Variants in NFIB observed in about 807,000 individuals in gnomAD.
The protein encoded by NFIB is nuclear factor 1 B-type.
Under a neutral mutation model 61.5 loss-of-function variants are expected in NFIB, and 11 were observed. The observed-to-expected ratio is 0.18, with a 90% CI of 0.11 to 0.30. NFIB has a LOEUF of 0.30. NFIB is among the 10% of genes least tolerant of loss of function. NFIB has a pLI of 1.00. For synonymous variants in NFIB, 260 were observed against 216.5 expected, an observed-to-expected ratio of 1.20 and a Z score of -1.76; for missense variants, 471 against 608.9, an observed-to-expected ratio of 0.77 and a Z score of 2.38.
chr9:14,474,477 T>C, the NFIB span, among the ~76,000 whole-genome samples: 17 of 152,320 alleles, frequency 1.1e-4, 1 homozygote, highest in South Asian at 2.9e-3. Context: ...AAATATTCCA[T>C]CTATAGCATT....
chr9:14,190,394 G>C (rs368277378), intron 2 of NFIB, among the ~76,000 whole-genome samples: 1 of 152,106 alleles, frequency 6.6e-6, no homozygotes, highest in Admixed American at 6.6e-5. Flanking sequence ...TACTGCTTCT[G>C]TTCATAAAAT....
At chr9:14,519,891 T>A in the NFIB span, among the ~76,000 whole-genome samples, 1 of 152,228 alleles carries the variant, frequency 6.6e-6, no homozygotes, top group Admixed American at 6.5e-5. Flanking sequence ...ACCATAATGC[T>A]ATTCTTCCTC....
chr9:14,474,720 A>G, the NFIB span, among the ~76,000 whole-genome samples: 2 of 152,218 alleles, frequency 1.3e-5, no homozygotes, highest in South Asian at 2.1e-4. Context: ...CAGGCATAGG[A>G]TAGACATTCC....
the NFIB span, among the ~76,000 whole-genome samples, chr9:14,412,010 C>A: frequency 3.0e-4 from 45 of 152,228 alleles, no homozygotes; most frequent in African/African-American, 1.1e-3. Flanking sequence ...TCCTTCAGCC[C>A]CAGCCAAGCC....
At position 14,366,224 on chromosome 9, in the gene NFIB, G is replaced by T. The variant is rs534756578; in HGVS notation, c.108+32300C>A. Among the ~76,000 whole-genome samples, 5 of 152,232 alleles carry T rather than the reference G, an allele frequency of 3.3e-5. No individual in the cohort carries two copies. In the South Asian group the frequency reaches 1.0e-3, roughly 32 times the overall value. Reference sequence around the variant, plus strand: ...CAGAATTGAGATCCAGTTGCATTACGCATACCAGAAGACACACCACCACAG... The same window carrying T: ...CAGAATTGAGATCCAGTTGCATTACTCATACCAGAAGACACACCACCACAG... On this transcript the variant is annotated intron_variant, in intron 1 of 8. Transcript: ENST00000380934.
chr9:14,490,460 T>C, the NFIB span, among the ~76,000 whole-genome samples: 1 of 152,198 alleles, frequency 6.6e-6, no homozygotes, highest in Non-Finnish European at 1.5e-5. Context: ...AAAAGATTAA[T>C]ACATTTGATT....
chr9:14,090,720 A>G (rs2033769155), intron 10 of NFIB, among the ~76,000 whole-genome samples: 1 of 152,128 alleles, frequency 6.6e-6, no homozygotes, highest in Non-Finnish European at 1.5e-5. Flanking sequence ...AATGTCAACA[A>G]GCAGCAAATT....
chr9:14,493,364 A>ATT, the NFIB span, among the ~76,000 whole-genome samples: 3 of 149,362 alleles, frequency 2.0e-5, no homozygotes, highest in African/African-American at 7.4e-5. Flanking sequence ...AGGCAGAAGC[A>ATT]TTTTTTTTTT....
At chr9:14,469,522 G>A in the NFIB span, among the ~76,000 whole-genome samples, 81 of 152,258 alleles carry the variant, frequency 5.3e-4, 1 homozygote, top group South Asian at 0.016. Flanking sequence ...TGGAAATAAC[G>A]TAATCTTGTG....
At chr9:14,297,122 C>A (rs908867156) in intron 2 of NFIB, among the ~76,000 whole-genome samples, 8 of 152,116 alleles carry the variant, frequency 5.3e-5, no homozygotes, top group African/African-American at 1.9e-4. Flanking sequence ...AAAATTCTTT[C>A]GATGTAGGAA....
chr9:14,128,695 CAAAA>C (rs202216145), intron 6 of NFIB, among the ~76,000 whole-genome samples: 2 of 79,538 alleles, frequency 2.5e-5, no homozygotes, highest in African/African-American at 3.8e-5. Flanking sequence ...AACTCTGTCT[CAAAA>C]AAAAAAAAAA....
chr9:14,152,355 T>TA (rs139935215), intron 4 of NFIB, among the ~76,000 whole-genome samples: 9,941 of 152,062 alleles, frequency 0.065, 1,027 homozygotes, highest in African/African-American at 0.22. Context: ...CACCAAAGGT[T>TA]AAAAAAATGT....
Position 14,377,188 on chromosome 9 carries a change from T to C in NFIB, c.108+21336A>G, listed in dbSNP as rs939572321. ...CACAATGCAAATATATAAAAATTCT[T>C]TTGTTTCACCCAAATGAGCATGTAG... On this transcript the variant is annotated intron_variant, in intron 1 of 8. Transcript: ENST00000380934. 3.9e-5 allele frequency among the ~76,000 whole-genome samples: 6 copies of C among 152,312 alleles called. No homozygotes were observed. The East Asian group carries it at 1.2e-3, about 29-fold the overall frequency.
At chr9:14,094,047 C>G (rs781091625) in intron 10 of NFIB, among the ~76,000 whole-genome samples, 3 of 152,044 alleles carry the variant, frequency 2.0e-5, no homozygotes, top group Non-Finnish European at 2.9e-5. Flanking sequence ...CCTGATTTTA[C>G]AGATGAGGAA....
intron 1 of NFIB, among the ~76,000 whole-genome samples, chr9:14,336,028 T>A (rs1300352199): frequency 6.6e-6 from 1 of 152,250 alleles, no homozygotes; most frequent in Non-Finnish European, 1.5e-5. Context: ...CATTGATTTA[T>A]TTGTCTTTAT....
the NFIB span, among the ~76,000 whole-genome samples, chr9:14,471,598 T>C: frequency 6.6e-6 from 1 of 152,350 alleles, no homozygotes; most frequent in Non-Finnish European, 1.5e-5. Flanking sequence ...GGATGGTGGA[T>C]ACCTTAGCCA....
At chr9:14,146,275 C>T (rs922041444) in intron 6 of NFIB, among the ~76,000 whole-genome samples, 1 of 152,068 alleles carries the variant, frequency 6.6e-6, no homozygotes, top group Non-Finnish European at 1.5e-5. Flanking sequence ...ATTGCAGGTT[C>T]CTTTAAATGA....
chr9:14,204,155 CAT>C, intron 2 of NFIB: 1 of 465,398 alleles, frequency 2.1e-6, no homozygotes, highest in Non-Finnish European at 3.8e-6. Context: ...ATTAAAATAA[CAT>C]TAACAAAAGA....
chr9:14,389,659 A>G (rs1383665770), intron 1 of NFIB, among the ~76,000 whole-genome samples: 1 of 152,276 alleles, frequency 6.6e-6, no homozygotes, highest in East Asian at 1.9e-4. Context: ...TCCCTGCCAT[A>G]CACACAGACA....
Sources: gnomAD v4.1 joint callset for allele counts (sites outside exome capture counted in the v4.1 genomes callset) on GRCh38, gnomAD v4.1.1 for gene constraint, MANE v1.5 for transcripts, NCBI Gene and HGNC (gene_info 2026-07-23, HGNC 2026-07-21) for gene names.